The following PRLR variants were observed in gnomAD, a reference collection of about 807,000 sequenced individuals.
The protein encoded by PRLR is prolactin receptor.
In PRLR, 13 loss-of-function variants were observed where a neutral mutation model predicts 40.2. The ratio of observed to expected loss-of-function variants is 0.32; its 90% confidence interval spans 0.21 to 0.51. PRLR has a LOEUF of 0.51. Among genes scored for constraint, PRLR ranks in the 20% least tolerant of loss-of-function variants. PRLR has a pLI of 0.97. For synonymous variants in PRLR, 269 were observed against 278.7 expected (o/e 0.97, Z 0.35); for missense variants, 656 against 747.3 (o/e 0.88, Z 1.42).
At chr5:35,157,759 C>G (rs1774551997) in intron 1 of PRLR, among the ~76,000 whole-genome samples, 1 of 152,230 alleles carries the variant, frequency 6.6e-6, no homozygotes, top group Admixed American at 6.5e-5. Context: ...ATACTCGGAA[C>G]TAAAATTTCC....
intron 2 of PRLR, among the ~76,000 whole-genome samples, chr5:35,112,038 A>G (rs1772693791): frequency 6.6e-6 from 1 of 152,240 alleles, no homozygotes; most frequent in African/African-American, 2.4e-5. Flanking sequence ...GTTAGAAGAT[A>G]GAAATTACTT....
intron 1 of PRLR, among the ~76,000 whole-genome samples, chr5:35,141,685 G>A (rs1449835870): frequency 6.6e-6 from 1 of 152,162 alleles, no homozygotes; most frequent in Non-Finnish European, 1.5e-5. Flanking sequence ...AAATGTAAAT[G>A]ATGAAACCAG....
intron 5 of PRLR, among the ~76,000 whole-genome samples, chr5:35,074,909 T>A (rs1769977457): frequency 6.6e-6 from 1 of 152,092 alleles, no homozygotes; most frequent in African/African-American, 2.4e-5. Context: ...CTCATCCCAG[T>A]CTCAGTTCTG....
At chr5:35,175,053 C>T (rs575949500) in intron 1 of PRLR, among the ~76,000 whole-genome samples, 6 of 152,244 alleles carry the variant, frequency 3.9e-5, no homozygotes, top group Admixed American at 2.0e-4. Context: ...GTCTTGTAGA[C>T]GTATCCCAAT....
At chr5:35,090,199 C>T (rs7728047) in intron 2 of PRLR, among the ~76,000 whole-genome samples, 25 of 152,240 alleles carry the variant, frequency 1.6e-4, no homozygotes, top group South Asian at 4.1e-4. Flanking sequence ...TATGCATTAC[C>T]GCAAAGCGAA....
At chr5:35,114,614 G>A (rs371557655) in intron 2 of PRLR, among the ~76,000 whole-genome samples, 2 of 152,150 alleles carry the variant, frequency 1.3e-5, no homozygotes, top group African/African-American at 2.4e-5. Flanking sequence ...AGTGGGCTCC[G>A]GGAGACTGCC....
intron 2 of PRLR, among the ~76,000 whole-genome samples, chr5:35,097,319 T>C (rs1275694250): frequency 6.6e-6 from 1 of 152,220 alleles, no homozygotes; most frequent in Non-Finnish European, 1.5e-5. Flanking sequence ...TGCCAGGCAC[T>C]GTTTTGTTAA....
chr5:35,169,533 G>A (rs1456659204), intron 1 of PRLR, among the ~76,000 whole-genome samples: 1 of 152,128 alleles, frequency 6.6e-6, no homozygotes, highest in Non-Finnish European at 1.5e-5. Flanking sequence ...CCTACCAAAA[G>A]GTTAACCAAG....
At chr5:35,222,345 C>T (rs1776446047) in intron 1 of PRLR, among the ~76,000 whole-genome samples, 1 of 152,028 alleles carries the variant, frequency 6.6e-6, no homozygotes. Context: ...GGGCTTTCTC[C>T]TCTTTTTTTC....
At chr5:35,079,997 G>A (rs1363892175) in intron 5 of PRLR, among the ~76,000 whole-genome samples, 3 of 152,186 alleles carry the variant, frequency 2.0e-5, no homozygotes, top group African/African-American at 7.2e-5. Context: ...GTAGAAAGCT[G>A]AAACTGGATA....
intron 1 of PRLR, among the ~76,000 whole-genome samples, chr5:35,150,269 G>A (rs572778511): frequency 6.6e-6 from 1 of 152,146 alleles, no homozygotes. Flanking sequence ...ACAGAGTGAG[G>A]ATTGTTCTAT....
intron 2 of PRLR, among the ~76,000 whole-genome samples, chr5:35,109,484 TA>T: frequency 6.6e-6 from 1 of 152,302 alleles, no homozygotes; most frequent in Non-Finnish European, 1.5e-5. Context: ...AAAGGGCTAA[TA>T]TTCAGAATCT....
intron 1 of PRLR, among the ~76,000 whole-genome samples, chr5:35,140,030 T>C (rs933170138): frequency 4.6e-5 from 7 of 152,176 alleles, no homozygotes; most frequent in Non-Finnish European, 1.0e-4. Flanking sequence ...GAATTAGAAT[T>C]AACACATGAA....
At position 35,061,863 on chromosome 5, in the gene PRLR, A is replaced by C. The variant is rs1396659689; in HGVS notation, c.*3226T>G. 1.3e-5 allele frequency: 2 copies of C among 152,198 alleles called. No individual in the cohort carries two copies. Among genetic ancestry groups the C allele is most frequent in the Non-Finnish European group, 2.9e-5 (2 of 68,032 alleles). The allele number at this position is 152,198 out of a possible 1,614,324, so 9.4% of individuals were successfully genotyped here. A position where few individuals can be genotyped will look rare whatever the true frequency, so the allele number is the denominator to read the frequency against. On this transcript the variant is annotated 3_prime_UTR_variant, in exon 10 of 10. Transcript: ENST00000618457. ...GGATGGTGCAAGGAAAAAAATTAAC[A>C]GCCAAATATAAGAAAAGAGATTTGG... is the stretch of plus-strand genomic sequence containing the variant.
intron 1 of PRLR, among the ~76,000 whole-genome samples, chr5:35,152,228 C>A (rs1319450130): frequency 3.3e-5 from 5 of 152,198 alleles, no homozygotes; most frequent in Non-Finnish European, 5.9e-5. Context: ...TGGGGCATAG[C>A]AATTTTTACT....
At position 35,070,168 on chromosome 5, in the gene PRLR, T is replaced by C; in HGVS notation, c.641A>G (p.Tyr214Cys). 1 of 1,614,156 alleles carries C rather than the reference T, an allele frequency of 6.2e-7. No homozygotes were observed. Among genetic ancestry groups the C allele is most frequent in the Non-Finnish European group, 8.5e-7 (1 of 1,180,014 alleles). The change falls in exon 7 of 10, where the codon TAC (tyrosine) becomes TGC (cysteine). Residue 214 changes from tyrosine (Y) to cysteine (C), a missense_variant. By Grantham distance (194) the Tyr-to-Cys change is radical. This residue lies in a region of PRLR where 469 missense variants were observed against 491.5 expected (regional missense o/e 0.95). Transcript: ENST00000618457. ...VQVRCKPDHG[Y>C]WSAWSPATFI... ...GGTCGCTGGACTCCATGCACTCCAG[T>C]ATCCATGGTCTGGTTTGCAGCGAAC... is the stretch of plus-strand genomic sequence containing the variant.
At chr5:35,161,273 C>T (rs1247225325) in intron 1 of PRLR, among the ~76,000 whole-genome samples, 3 of 152,180 alleles carry the variant, frequency 2.0e-5, no homozygotes, top group Admixed American at 6.5e-5. Flanking sequence ...TCTTGTCGGT[C>T]CTTACTTCCC....
intron 2 of PRLR, among the ~76,000 whole-genome samples, chr5:35,116,761 T>A (rs1361213299): frequency 6.6e-6 from 1 of 152,168 alleles, no homozygotes; most frequent in East Asian, 1.9e-4. Flanking sequence ...TGGGGCACTC[T>A]TGTACCCAGA....
Position 35,065,156 on chromosome 5 carries a change from T to A in PRLR, c.1802A>T (p.Lys601Met), listed in dbSNP as rs773923730. Reference sequence around the variant, plus strand: ...CAAACCACCCAGCTGGAGCCTGCACTTGCTTGATGTTGCAGTGAAGTTGGC... The same window carrying A: ...CAAACCACCCAGCTGGAGCCTGCACATGCTTGATGTTGCAGTGAAGTTGGC... ...ALANFTATSS[K>M]CRLQLGGLDY... Residue 601 changes from lysine to methionine, a missense_variant, in exon 10 of 10, where the codon AAG (lysine) becomes ATG (methionine). By Grantham distance (95) the Lys-to-Met change is moderately conservative. Coordinates refer to ENST00000618457, the MANE Select transcript of PRLR (RefSeq NM_000949.7). 6.2e-7 allele frequency: 1 copy of A among 1,614,104 alleles called. No individual in the cohort carries two copies. Among genetic ancestry groups the A allele is most frequent in the South Asian group, 1.1e-5 (1 of 91,092 alleles).
Sources: gnomAD v4.1 joint callset for allele counts (sites outside exome capture counted in the v4.1 genomes callset) on GRCh38, gnomAD v4.1.1 for gene constraint, gnomAD v4.1.1 regional missense constraint, MANE v1.5 for transcripts, NCBI Gene and HGNC (gene_info 2026-07-23, HGNC 2026-07-21) for gene names.